Variants in RAD51B observed in about 807,000 individuals in gnomAD.
The protein encoded by RAD51B is DNA repair protein RAD51 homolog 2.
Under a neutral mutation model 42.2 loss-of-function variants are expected in RAD51B, and 38 were observed. The ratio of observed to expected loss-of-function variants is 0.90; its 90% CI spans 0.70 to 1.18. The LOEUF (loss-of-function observed/expected upper bound fraction) is 1.18. Ranked by LOEUF, RAD51B falls within the 50% of genes most tolerant of loss-of-function variation. The pLI is 0.00. For missense variants in RAD51B, 373 were observed against 400.7 expected (o/e 0.93, Z 0.59); for synonymous variants, 154 against 145.2 (o/e 1.06, Z -0.43).
At chr14:68,206,264 T>A (rs868799428) in intron 7 of RAD51B, among the ~76,000 whole-genome samples, 1 of 152,340 alleles carries the variant, frequency 6.6e-6, no homozygotes, top group Middle Eastern at 3.4e-3. Context: ...CTCATGGTGA[T>A]GTAAATTTTG....
rs77738221 is a variant in RAD51B at position 68,661,806 on chromosome 14, G to A, written c.*11+10950G>A. Among the ~76,000 whole-genome samples the A allele has an allele frequency of 1.7e-4, 26 of 152,208 alleles. 1 individual carries two copies. The East Asian group carries it at 4.3e-3, about 25-fold the overall frequency. ...AAGGGAAGCCAACTCACCACCTCAC[G>A]TCCCACTCTGACTGCCAGCAGGTTG... On this transcript the variant is annotated intron_variant, in intron 11 of 11. Transcript: ENST00000488612.
intron 7 of RAD51B, among the ~76,000 whole-genome samples, chr14:68,260,297 C>CTGTGTGTGTGTGTGTGTGTGTGTGTG (rs763590538): frequency 5.0e-4 from 9 of 18,158 alleles, no homozygotes; most frequent in Admixed American, 4.7e-3. Context: ...GGCTGAGAGA[C>CTGTGTGTGTGTGTGTGTGTGTGTGTG]CGTGTGTGTG....
chr14:67,919,514 A>G (rs1486693453), intron 7 of RAD51B, among the ~76,000 whole-genome samples: 1 of 152,182 alleles, frequency 6.6e-6, no homozygotes, highest in Non-Finnish European at 1.5e-5. Flanking sequence ...AGTGCCTTCC[A>G]TATATTTACC....
chr14:68,135,788 G>A (rs2077995136), intron 7 of RAD51B, among the ~76,000 whole-genome samples: 1 of 152,178 alleles, frequency 6.6e-6, no homozygotes, highest in Non-Finnish European at 1.5e-5. Flanking sequence ...TATGAGATGA[G>A]GAGAGAAATC....
chr14:67,862,412 A>G (rs1383331360), intron 4 of RAD51B, among the ~76,000 whole-genome samples: 3 of 151,672 alleles, frequency 2.0e-5, no homozygotes, highest in Non-Finnish European at 2.9e-5. Context: ...AACTAAATAA[A>G]TGTAAGCAAA....
intron 7 of RAD51B, among the ~76,000 whole-genome samples, chr14:68,155,733 T>A (rs2078490081): frequency 6.6e-6 from 1 of 152,188 alleles, no homozygotes; most frequent in African/African-American, 2.4e-5. Flanking sequence ...AATAGTCAGT[T>A]TGAAAAGTAG....
intron 10 of RAD51B, chr14:68,563,488 G>T (rs1189060171): frequency 2.0e-6 from 2 of 985,332 alleles, no homozygotes; most frequent in Non-Finnish European, 2.4e-6. Flanking sequence ...GCAGGCTGGG[G>T]CTGAAGAAAA....
exon 11 of RAD51B, chr14:68,595,164 A>T: frequency 9.4e-7 from 1 of 1,066,266 alleles, no homozygotes; most frequent in Non-Finnish European, 1.1e-6. Flanking sequence ...CTTCCCTCCC[A>T]ATTATCCACT....
intron 7 of RAD51B, among the ~76,000 whole-genome samples, chr14:68,010,197 T>C (rs1445360433): frequency 1.3e-5 from 2 of 151,888 alleles, no homozygotes; most frequent in Non-Finnish European, 2.9e-5. Context: ...AATTGGAACC[T>C]ACCTTTCCAT....
At chr14:68,439,725 G>A (rs1263924222) in intron 9 of RAD51B, among the ~76,000 whole-genome samples, 1 of 152,202 alleles carries the variant, frequency 6.6e-6, no homozygotes, top group Non-Finnish European at 1.5e-5. Flanking sequence ...CCTCCTTCCT[G>A]TAGGATTTTC....
intron 7 of RAD51B, among the ~76,000 whole-genome samples, chr14:68,178,549 A>G (rs898741364): frequency 2.6e-5 from 4 of 152,152 alleles, no homozygotes; most frequent in African/African-American, 4.8e-5. Flanking sequence ...GTTGAATCAC[A>G]TTCCTTCTCA....
chr14:68,399,417 C>T (rs1182835701), intron 8 of RAD51B, among the ~76,000 whole-genome samples: 1 of 152,054 alleles, frequency 6.6e-6, no homozygotes, highest in South Asian at 2.1e-4. Flanking sequence ...CCACAATGCC[C>T]GGCTAATTTT....
chr14:68,073,539 T>C (rs72725186), intron 7 of RAD51B, among the ~76,000 whole-genome samples: 19,382 of 152,232 alleles, frequency 0.13, 1,400 homozygotes, highest in Middle Eastern at 0.28. Flanking sequence ...TTAATATTGA[T>C]ATGTGCAGAT....
intron 7 of RAD51B, among the ~76,000 whole-genome samples, chr14:68,060,838 T>C (rs1022060269): frequency 2.6e-5 from 4 of 152,196 alleles, no homozygotes; most frequent in African/African-American, 9.7e-5. Flanking sequence ...AAGACAATTC[T>C]TTTCCCAATG....
rs1219762351 is a variant in RAD51B at position 68,477,961 on chromosome 14, C to A, written c.*297C>A. 2 of 1,180,240 alleles carry A rather than the reference C, an allele frequency of 1.7e-6. No homozygotes were observed. Among genetic ancestry groups the A allele is most frequent in the African/African-American group, 1.6e-5 (1 of 63,564 alleles). 73.1% of individuals were successfully genotyped at this position (1,180,240 alleles called of 1,614,324 possible). A position where few individuals can be genotyped will look rare whatever the true frequency, so the allele number is the denominator to read the frequency against. ...TTTGCACTTATATAGCACCTTTCAA[C>A]CAGGCACCTCAAAGCGGTTTAACCA... On this transcript the variant is annotated 3_prime_UTR_variant, in exon 11 of 11. Transcript: ENST00000471583.
chr14:68,087,220 C>T (rs2076998918), intron 7 of RAD51B, among the ~76,000 whole-genome samples: 1 of 151,614 alleles, frequency 6.6e-6, no homozygotes, highest in Non-Finnish European at 1.5e-5. Context: ...CCCAGAGATT[C>T]CATTAATTTG....
chr14:67,885,566 C>G (rs1168092439), intron 5 of RAD51B, among the ~76,000 whole-genome samples: 1 of 152,174 alleles, frequency 6.6e-6, no homozygotes, highest in African/African-American at 2.4e-5. Context: ...ATAGCTGCTA[C>G]TCTAAATATC....
chr14:68,267,394 T>C (rs1404584821), intron 7 of RAD51B, among the ~76,000 whole-genome samples: 2 of 152,234 alleles, frequency 1.3e-5, no homozygotes, highest in Non-Finnish European at 2.9e-5. Context: ...AAACTTACTT[T>C]AATGTCATTT....
chr14:67,902,003 A>G (rs981528380), intron 7 of RAD51B, among the ~76,000 whole-genome samples: 1 of 152,156 alleles, frequency 6.6e-6, no homozygotes, highest in Non-Finnish European at 1.5e-5. Flanking sequence ...TCACTATGCA[A>G]TATATCCATG....
Sources: gnomAD v4.1 joint callset for allele counts (sites outside exome capture counted in the v4.1 genomes callset) on GRCh38, gnomAD v4.1.1 for gene constraint, MANE v1.5 for transcripts, NCBI Gene and HGNC (gene_info 2026-07-23, HGNC 2026-07-21) for gene names.